The following ZFHX3 variants were observed in gnomAD, a reference collection of about 807,000 sequenced individuals.
The protein encoded by ZFHX3 is zinc finger homeobox protein 3.
In ZFHX3, 42 loss-of-function variants were observed where a neutral mutation model predicts 279.1. The observed-to-expected ratio is 0.15, with a 90% confidence interval of 0.12 to 0.19. The LOEUF is 0.19. ZFHX3 is among the 10% of genes least tolerant of loss of function. ZFHX3 has a pLI of 1.00. For missense variants in ZFHX3, 4,981 were observed against 4,754.0 expected (o/e 1.05, Z -1.40); for synonymous variants, 2,293 against 1,957.8 (o/e 1.17, Z -4.52).
Position 72,787,777 on chromosome 16 carries a change from A to C in ZFHX3, c.10499T>G (p.Met3500Arg). The C allele has an allele frequency of 6.5e-7, 1 of 1,535,376 alleles. No homozygotes were observed. The highest frequency in any genetic ancestry group is 8.8e-7 in the Non-Finnish European group (1 of 1,140,902). The change falls in exon 10 of 10, where the codon ATG (methionine) becomes AGG (arginine). Residue 3500 changes from methionine (M) to arginine (R), a missense_variant. This residue lies in a region of ZFHX3 where 1,034 missense variants were observed against 786.0 expected (regional missense o/e 1.32). Transcript: ENST00000268489. ...FGQSVVNLQEMVLHVPTGGGG... is the reference protein window; with the variant it reads ...FGQSVVNLQERVLHVPTGGGG... ...GCCGCCGGTGGGGACGTGAAGCACC[A>C]TCTCTTGCAGGTTCACCACAGACTG...
intron 1 of ZFHX3, among the ~76,000 whole-genome samples, chr16:72,972,863 T>C (rs957093319): frequency 6.6e-6 from 1 of 152,150 alleles, no homozygotes; most frequent in Non-Finnish European, 1.5e-5. Flanking sequence ...CCTACAGCTC[T>C]CCATGGGTAC....
intron 1 of ZFHX3, among the ~76,000 whole-genome samples, chr16:73,695,001 T>C (rs1427148189): frequency 6.6e-6 from 1 of 152,214 alleles, no homozygotes; most frequent in Non-Finnish European, 1.5e-5. Context: ...TGTGGCTAAC[T>C]CCAAGCCAGG....
At chr16:73,418,945 T>A (rs1420531878) in intron 3 of ZFHX3, among the ~76,000 whole-genome samples, 1 of 152,196 alleles carries the variant, frequency 6.6e-6, no homozygotes. Context: ...ACCTCCCAAT[T>A]CCAGATCCTG....
At chr16:73,071,608 G>A (rs1965828383) in intron 8 of ZFHX3, among the ~76,000 whole-genome samples, 1 of 152,230 alleles carries the variant, frequency 6.6e-6, no homozygotes, top group Non-Finnish European at 1.5e-5. Flanking sequence ...AGGAGTGGCA[G>A]TCCATGCAGG....
intron 1 of ZFHX3, among the ~76,000 whole-genome samples, chr16:73,873,306 G>GGTA (rs2029874321): frequency 6.7e-6 from 1 of 149,210 alleles, no homozygotes; most frequent in Non-Finnish European, 1.5e-5. Flanking sequence ...GGTAGTGGGT[G>GGTA]GTGGGTGGTA....
At chr16:73,349,545 GT>G (rs1053678477) in intron 3 of ZFHX3, among the ~76,000 whole-genome samples, 1 of 152,096 alleles carries the variant, frequency 6.6e-6, no homozygotes, top group Non-Finnish European at 1.5e-5. Context: ...GATGTTATCA[GT>G]TTTTGTAAGT....
In ZFHX3 at chr16:72,882,432, G is replaced by A. The variant is rs145761287; in HGVS notation, c.3448+7299C>T. Among the ~76,000 whole-genome samples the A allele has an allele frequency of 1.9e-3, 286 of 152,262 alleles. 1 individual carries two copies. The highest frequency in any genetic ancestry group is 2.9e-3 in the Non-Finnish European group (199 of 68,032). On this transcript the variant is annotated intron_variant, in intron 4 of 9. Transcript: ENST00000268489. The stretch of plus-strand genomic sequence containing the variant: ...CATCATCCCAGAAAAATAACGCAAC[G>A]AATGAATGGTGGATCTAGAACATCA...
chr16:72,880,605 C>A (rs1338328325), intron 4 of ZFHX3, among the ~76,000 whole-genome samples: 1 of 152,162 alleles, frequency 6.6e-6, no homozygotes, highest in African/African-American at 2.4e-5. Flanking sequence ...GTGAAAAATA[C>A]ACACATTCTT....
intron 3 of ZFHX3, among the ~76,000 whole-genome samples, chr16:73,423,032 C>T (rs1166621704): frequency 6.6e-6 from 1 of 152,224 alleles, no homozygotes; most frequent in East Asian, 1.9e-4. Context: ...CTAATCTCCC[C>T]TTCTTTCTTA....
At chr16:73,512,506 A>AT (rs770193671) in intron 2 of ZFHX3, among the ~76,000 whole-genome samples, 24 of 126,988 alleles carry the variant, frequency 1.9e-4, no homozygotes, top group Non-Finnish European at 2.9e-4. Context: ...AAAAAAAAAA[A>AT]GAAAAAAGGT....
chr16:73,112,979 G>T (rs1489384871), intron 7 of ZFHX3, among the ~76,000 whole-genome samples: 1 of 152,124 alleles, frequency 6.6e-6, no homozygotes, highest in East Asian at 1.9e-4. Flanking sequence ...TTGGTTCACT[G>T]GACAAACTTT....
chr16:73,058,083 C>G (rs1307248470), intron 1 of ZFHX3, among the ~76,000 whole-genome samples: 1 of 145,996 alleles, frequency 6.8e-6, no homozygotes, highest in Non-Finnish European at 1.5e-5. Flanking sequence ...GTACCCCGGC[C>G]GCCCTCCCGC....
intron 3 of ZFHX3, among the ~76,000 whole-genome samples, chr16:73,445,302 A>ATGTGTG (rs71156166): frequency 0.71 from 106,438 of 149,618 alleles, 39,104 homozygotes; most frequent in Non-Finnish European, 0.82. Context: ...ATGTATATGT[A>ATGTGTG]TGTGTGTGTG....
chr16:73,889,267 G>A (rs923718983), intron 1 of ZFHX3, among the ~76,000 whole-genome samples: 1 of 152,166 alleles, frequency 6.6e-6, no homozygotes, highest in African/African-American at 2.4e-5. Flanking sequence ...CCAGACCCGC[G>A]CTCCAGAACT....
At chr16:73,147,006 C>T (rs957711853) in intron 5 of ZFHX3, among the ~76,000 whole-genome samples, 16 of 152,080 alleles carry the variant, frequency 1.1e-4, no homozygotes, top group Non-Finnish European at 2.1e-4. Flanking sequence ...GTAAAACATC[C>T]TAGGGAGAAA....
intron 4 of ZFHX3, among the ~76,000 whole-genome samples, chr16:72,840,939 C>A (rs1245805878): frequency 1.3e-5 from 2 of 152,172 alleles, no homozygotes; most frequent in Non-Finnish European, 2.9e-5. Flanking sequence ...CAATGCTGCA[C>A]CCAGAAAAAC....
At chr16:73,709,586 TA>T (rs574726588) in intron 1 of ZFHX3, among the ~76,000 whole-genome samples, 331 of 151,850 alleles carry the variant, frequency 2.2e-3, no homozygotes, top group African/African-American at 7.6e-3. Context: ...GTCAAACTCA[TA>T]GAAGTAGAGA....
At chr16:73,307,258 C>A (rs542825512) in intron 4 of ZFHX3, among the ~76,000 whole-genome samples, 1 of 152,172 alleles carries the variant, frequency 6.6e-6, no homozygotes, top group Non-Finnish European at 1.5e-5. Context: ...CTGCTGAATA[C>A]CTTTGAAAAA....
intron 5 of ZFHX3, among the ~76,000 whole-genome samples, chr16:73,197,612 TG>T (rs1340572543): frequency 6.6e-6 from 1 of 152,230 alleles, no homozygotes; most frequent in African/African-American, 2.4e-5. Flanking sequence ...ATTTTCTTTT[TG>T]GGATTTGATC....
Sources: allele counts gnomAD v4.1 joint callset (sites outside exome capture counted in the v4.1 genomes callset), GRCh38; gene constraint gnomAD v4.1.1; regional missense constraint gnomAD v4.1.1; transcripts MANE v1.5; gene names NCBI Gene and HGNC (gene_info 2026-07-23, HGNC 2026-07-21).